Variants in TBC1D16 observed in about 807,000 individuals in gnomAD.
The protein encoded by TBC1D16 is CTD-2529O21.1.
In TBC1D16, 58 loss-of-function variants were observed where a neutral mutation model predicts 74.7. The ratio of observed to expected loss-of-function variants is 0.78; its 90% confidence interval spans 0.63 to 0.97. The LOEUF (loss-of-function observed/expected upper bound fraction) is 0.97, where lower values mean the gene tolerates loss of function less well. Among genes scored for constraint, TBC1D16 ranks in the 50% least tolerant of loss-of-function variants. The pLI, the probability that TBC1D16 is intolerant of heterozygous loss-of-function variation, is 0.00. For synonymous variants in TBC1D16, 493 were observed against 474.7 expected (o/e 1.04, Z -0.50); for missense variants, 1,014 against 1,079.5 (o/e 0.94, Z 0.85).
At chr17:79,969,950 G>C (rs1396480789) in intron 3 of TBC1D16, among the ~76,000 whole-genome samples, 1 of 151,914 alleles carries the variant, frequency 6.6e-6, no homozygotes, top group Non-Finnish European at 1.5e-5. Flanking sequence ...TCAAAGAAAA[G>C]AAAAGAAAAG....
Position 79,956,136 on chromosome 17 carries a change from C to T in TBC1D16, c.780-3318G>A, listed in dbSNP as rs1216237086. The stretch of plus-strand genomic sequence containing the variant: ...AATGGAGGCCGTTCCAGACCCTCCG[C>T]CCACCCAAGCCTCCTGGTGGCTGCA... On this transcript the variant is annotated intron_variant, in intron 3 of 11. Transcript: ENST00000310924. The surrounding 1 kb of genome is among the most constrained non-coding windows in gnomAD (Gnocchi z 4.0). 6.6e-6 allele frequency among the ~76,000 whole-genome samples: 1 copy of T among 152,230 alleles called. No homozygotes were observed. The highest frequency in any genetic ancestry group is 6.5e-5 in the Admixed American group (1 of 15,286).
chr17:79,952,567 A>G (rs2033120200), intron 4 of TBC1D16, 90 bp downstream of exon 4: 11 of 1,476,296 alleles, frequency 7.5e-6, no homozygotes, highest in South Asian at 2.7e-5. Context: ...TGTGTCCCCA[A>G]GCCGTGCACT....
At chr17:79,982,423 C>A (rs904647534) in intron 3 of TBC1D16, among the ~76,000 whole-genome samples, 2 of 151,704 alleles carry the variant, frequency 1.3e-5, no homozygotes, top group African/African-American at 4.8e-5. Context: ...GGATTACAGG[C>A]CTGAGCCACT....
intron 1 of TBC1D16, among the ~76,000 whole-genome samples, chr17:80,020,079 G>A (rs1390882660): frequency 6.7e-6 from 1 of 149,594 alleles, no homozygotes; most frequent in Non-Finnish European, 1.5e-5. Flanking sequence ...AGAGTGCTGT[G>A]TGAATACAAT....
chr17:79,969,975 T>C (rs1297733292), intron 3 of TBC1D16, among the ~76,000 whole-genome samples: 1 of 151,980 alleles, frequency 6.6e-6, no homozygotes, highest in African/African-American at 2.4e-5. Context: ...TAGATGTCTA[T>C]ATAAAAACAT....
rs191549150 is a variant in TBC1D16 at position 79,978,691 on chromosome 17, T to C, written c.780-25873A>G. ...ACTGTGACGACTTAGACTCAGGACG[T>C]GCACGTGATGCCGTACTGGGCTTTT... On this transcript the variant is annotated intron_variant, in intron 3 of 11. Coordinates refer to ENST00000310924, the MANE Select transcript of TBC1D16 (RefSeq NM_019020.4). 3.6e-4 allele frequency among the ~76,000 whole-genome samples: 55 copies of C among 152,364 alleles called. 1 individual carries two copies. The East Asian group carries it at 9.1e-3, about 25-fold the overall frequency.
rs920223389 is a variant in TBC1D16 at position 79,990,977 on chromosome 17, C to T, written c.779+19183G>A. On this transcript the variant is annotated intron_variant, in intron 3 of 11. Transcript: ENST00000310924. The surrounding 1 kb of genome is among the most constrained non-coding windows in gnomAD (Gnocchi z 4.8). ...GTGGAACATGTGTGTGAACACACCG[C>T]GTTTCTCTAGTCACCCGTCGGGGGA... Among the ~76,000 whole-genome samples the T allele has an allele frequency of 2.0e-5, 3 of 152,236 alleles. No homozygotes were observed. The highest frequency in any genetic ancestry group is 7.2e-5 in the African/African-American group (3 of 41,450).
chr17:79,954,997 G>A lies in TBC1D16; in HGVS notation c.780-2179C>T, dbSNP rs2033269597. On this transcript the variant is annotated intron_variant, in intron 3 of 11. Transcript: ENST00000310924. This position sits in a 1 kb window ranked among gnomAD's most constrained non-coding sequence, Gnocchi z 5.5. ...CCTGCTGCCGTGGCCACAGAAGACT[G>A]GTCCCCTGGAGGGCCGGAGCCGATT... 6.6e-6 allele frequency among the ~76,000 whole-genome samples: 1 copy of A among 152,126 alleles called. No homozygotes were observed. Among genetic ancestry groups the A allele is most frequent in the Admixed American group, 6.5e-5 (1 of 15,276 alleles).
Position 80,010,411 on chromosome 17 carries a change from G to A in TBC1D16, c.528C>T (p.Ala176=). The change falls in exon 3 of 12, where the codon GCC becomes GCT. Residue 176 remains alanine (A), a synonymous_variant. Coordinates refer to ENST00000310924, the MANE Select transcript of TBC1D16 (RefSeq NM_019020.4). The surrounding 1 kb of genome is among the most constrained non-coding windows in gnomAD (Gnocchi z 8.8). ...QGLGVDGAQP[A]SQPACSPSGI... Reference sequence around the variant, plus strand: ...CGGAGGGGCTGCAAGCAGGCTGCGAGGCTGGCTGGGCACCATCCACCCCCA... The same window carrying A: ...CGGAGGGGCTGCAAGCAGGCTGCGAAGCTGGCTGGGCACCATCCACCCCCA... The A allele has an allele frequency of 6.2e-7, 1 of 1,611,242 alleles. No individual in the cohort carries two copies. Among genetic ancestry groups the A allele is most frequent in the Non-Finnish European group, 8.5e-7 (1 of 1,179,106 alleles).
intron 3 of TBC1D16, among the ~76,000 whole-genome samples, chr17:80,002,338 G>A (rs1049047206): frequency 2.7e-4 from 41 of 152,356 alleles, no homozygotes; most frequent in Admixed American, 1.4e-3. Context: ...GGTCGACAAG[G>A]AGCCTTTTCC....
At chr17:80,029,587 G>T (rs1188246347) in intron 1 of TBC1D16, among the ~76,000 whole-genome samples, 1 of 152,152 alleles carries the variant, frequency 6.6e-6, no homozygotes, top group Non-Finnish European at 1.5e-5. Context: ...CCAAGATTTG[G>T]TGACTTATAC....
Position 79,944,573 on chromosome 17 carries a change from G to A in TBC1D16, c.1908+335C>T, listed in dbSNP as rs1020640293. 3.9e-5 allele frequency among the ~76,000 whole-genome samples: 6 copies of A among 152,202 alleles called. No homozygotes were observed. The highest frequency in any genetic ancestry group is 8.8e-5 in the Non-Finnish European group (6 of 68,044). ...AGGGGGTGGAGCGGTGCTGGCTCAC[G>A]CTCGTGGGCACCAGCGTCCTGGGCT... is the stretch of plus-strand genomic sequence containing the variant. On this transcript the variant is annotated intron_variant, in intron 10 of 11. Coordinates refer to ENST00000310924, the MANE Select transcript of TBC1D16 (RefSeq NM_019020.4). This position sits in a 1 kb window ranked among gnomAD's most constrained non-coding sequence, Gnocchi z 7.7.
chr17:79,999,839 T>C (rs577718981), intron 3 of TBC1D16, among the ~76,000 whole-genome samples: 10 of 152,214 alleles, frequency 6.6e-5, no homozygotes, highest in African/African-American at 2.2e-4. Flanking sequence ...CCACCAGGCC[T>C]GGCCACCCTC....
At chr17:80,005,037 A>T (rs1462075374) in intron 3 of TBC1D16, among the ~76,000 whole-genome samples, 1 of 151,892 alleles carries the variant, frequency 6.6e-6, no homozygotes, top group Non-Finnish European at 1.5e-5. Context: ...AGACATTTTC[A>T]CTTAGGGAGC....
chr17:79,975,369 C>T lies in TBC1D16; in HGVS notation c.780-22551G>A, dbSNP rs1407793598. Among the ~76,000 whole-genome samples the T allele has an allele frequency of 6.6e-6, 1 of 152,200 alleles. No individual in the cohort carries two copies. The highest frequency in any genetic ancestry group is 1.9e-4 in the East Asian group (1 of 5,200). On this transcript the variant is annotated intron_variant, in intron 3 of 11. Coordinates refer to ENST00000310924, the MANE Select transcript of TBC1D16 (RefSeq NM_019020.4). This position sits in a 1 kb window ranked among gnomAD's most constrained non-coding sequence, Gnocchi z 4.5. ...ATTTCTGCCAGGTCCTATTCACACC[C>T]TTGGCCCCAGCTGGCTGTGAGGTTT...
chr17:80,002,160 C>CACTGGA (rs1357516397), intron 3 of TBC1D16, among the ~76,000 whole-genome samples: 1 of 152,208 alleles, frequency 6.6e-6, no homozygotes, highest in Non-Finnish European at 1.5e-5. Flanking sequence ...TGCTTCCCAG[C>CACTGGA]ACTGGGTCCT....
Position 79,979,555 on chromosome 17 carries a change from T to C in TBC1D16, c.780-26737A>G, listed in dbSNP as rs943441363. ...TGCAGGACCAAACAGTCAATTAGTA[T>C]CCAAATACTTTTAGGGGACAGAAAG... is the stretch of plus-strand genomic sequence containing the variant. On this transcript the variant is annotated intron_variant, in intron 3 of 11. Coordinates refer to ENST00000310924, the MANE Select transcript of TBC1D16 (RefSeq NM_019020.4). The surrounding 1 kb of genome is among the most constrained non-coding windows in gnomAD (Gnocchi z 4.8). Among the ~76,000 whole-genome samples the C allele has an allele frequency of 9.9e-5, 15 of 152,088 alleles. No homozygotes were observed. The highest frequency in any genetic ancestry group is 3.1e-4 in the African/African-American group (13 of 41,394).
At position 80,009,554 on chromosome 17, in the gene TBC1D16, A is replaced by G. The variant is rs1356425504; in HGVS notation, c.779+606T>C. 2.0e-5 allele frequency among the ~76,000 whole-genome samples: 3 copies of G among 152,232 alleles called. No individual in the cohort carries two copies. Among genetic ancestry groups the G allele is most frequent in the Non-Finnish European group, 4.4e-5 (3 of 68,034 alleles). ...ACTCTGGCTGGACTCCCCAGGGTGC[A>G]TAGCGGCTGCCAAGTCGGGTGAATA... On this transcript the variant is annotated intron_variant, in intron 3 of 11. Coordinates refer to ENST00000310924, the MANE Select transcript of TBC1D16 (RefSeq NM_019020.4). This position sits in a 1 kb window ranked among gnomAD's most constrained non-coding sequence, Gnocchi z 5.4.
rs2035741555 is a variant in TBC1D16, at chr17:80,007,985, C to T, written c.779+2175G>A. Among the ~76,000 whole-genome samples the T allele has an allele frequency of 6.6e-6, 1 of 151,784 alleles. No individual in the cohort carries two copies. The highest frequency in any genetic ancestry group is 2.4e-5 in the African/African-American group (1 of 41,284). ...AGTGCACAGCACGCCTGTCCGCTGC[C>T]CACTGATGCCAATACATCCCCACCC... On this transcript the variant is annotated intron_variant, in intron 3 of 11. Transcript: ENST00000310924. The surrounding 1 kb of genome is among the most constrained non-coding windows in gnomAD (Gnocchi z 4.5).
Sources: allele counts gnomAD v4.1 joint callset (sites outside exome capture counted in the v4.1 genomes callset), GRCh38; gene constraint gnomAD v4.1.1; non-coding constraint Gnocchi (gnomAD v3.1); transcripts MANE v1.5; gene names NCBI Gene and HGNC (gene_info 2026-07-23, HGNC 2026-07-21).